The following B3GALT1 variants were observed in gnomAD, a reference collection of about 807,000 sequenced individuals.
The protein encoded by B3GALT1 is beta-1,3-galactosyltransferase 1, also known as UDP-Gal:betaGlcNAc beta 1,3-galactosyltransferase, polypeptide 1.
In B3GALT1, 10 loss-of-function variants were observed where a neutral mutation model predicts 23.2. The observed-to-expected ratio is 0.43, with a 90% CI of 0.27 to 0.73. The LOEUF is 0.73. Ranked by LOEUF, B3GALT1 falls within the 30% of genes least tolerant of loss-of-function variation. The probability of loss-of-function intolerance (pLI) is 0.21; values close to 1 mark genes in which losing one functional copy is unlikely to be tolerated. For missense variants in B3GALT1, 299 were observed against 405.4 expected, an observed-to-expected ratio of 0.74 and a Z score of 2.25; for synonymous variants, 156 against 141.5, an observed-to-expected ratio of 1.10 and a Z score of -0.73.
intron 2 of B3GALT1, among the ~76,000 whole-genome samples, chr2:167,620,120 G>C (rs1238689103): frequency 6.6e-6 from 1 of 152,028 alleles, no homozygotes; most frequent in Non-Finnish European, 1.5e-5. Context: ...AACGGTGTGA[G>C]GAGTGTGTGT....
chr2:167,507,886 A>G (rs1255978589), intron 2 of B3GALT1, among the ~76,000 whole-genome samples: 1 of 152,208 alleles, frequency 6.6e-6, no homozygotes, highest in African/African-American at 2.4e-5. Flanking sequence ...ATGAGGTGCT[A>G]TAGACTAGGT....
intron 1 of B3GALT1, among the ~76,000 whole-genome samples, chr2:167,475,090 T>G (rs1699470326): frequency 6.6e-6 from 1 of 152,222 alleles, no homozygotes; most frequent in Non-Finnish European, 1.5e-5. Flanking sequence ...TTCTGCAATT[T>G]CAATTACCTA....
At chr2:167,850,536 A>G (rs943583966) in intron 4 of B3GALT1, among the ~76,000 whole-genome samples, 1 of 152,250 alleles carries the variant, frequency 6.6e-6, no homozygotes, top group Non-Finnish European at 1.5e-5. Context: ...CAGCAATTCT[A>G]CTACTGGATA....
intron 3 of B3GALT1, among the ~76,000 whole-genome samples, chr2:167,647,442 A>T (rs2105460894): frequency 6.6e-6 from 1 of 152,290 alleles, no homozygotes; most frequent in East Asian, 1.9e-4. Flanking sequence ...ATCCTTCTGT[A>T]GAAATAGACA....
intron 1 of B3GALT1, among the ~76,000 whole-genome samples, chr2:167,455,598 A>G (rs184857870): frequency 2.0e-5 from 3 of 152,094 alleles, no homozygotes; most frequent in Non-Finnish European, 4.4e-5. Flanking sequence ...ACTGCAATCT[A>G]TGCCTCCAGG....
At chr2:167,658,961 C>T (rs1686008019) in intron 3 of B3GALT1, among the ~76,000 whole-genome samples, 1 of 152,040 alleles carries the variant, frequency 6.6e-6, no homozygotes, top group Non-Finnish European at 1.5e-5. Flanking sequence ...TGCTAAGAAA[C>T]AACAAATTCT....
At chr2:167,790,449 C>T (rs1161967682) in intron 3 of B3GALT1, among the ~76,000 whole-genome samples, 1 of 152,216 alleles carries the variant, frequency 6.6e-6, no homozygotes, top group Admixed American at 6.5e-5. Flanking sequence ...TCCTATTCTT[C>T]TGTGACTCTA....
At chr2:167,304,758 T>C (rs935206731) in intron 1 of B3GALT1, among the ~76,000 whole-genome samples, 4 of 152,048 alleles carry the variant, frequency 2.6e-5, no homozygotes, top group Non-Finnish European at 5.9e-5. Context: ...CTTATGTGGT[T>C]AGGGGACCAA....
chr2:167,744,542 T>C (rs1687623068), intron 3 of B3GALT1, among the ~76,000 whole-genome samples: 1 of 152,136 alleles, frequency 6.6e-6, no homozygotes, highest in African/African-American at 2.4e-5. Context: ...CTGTTAAACC[T>C]TGTCTATCCT....
intron 3 of B3GALT1, among the ~76,000 whole-genome samples, chr2:167,676,469 T>TTATA (rs201675808): frequency 6.8e-6 from 1 of 147,518 alleles, no homozygotes; most frequent in Non-Finnish European, 1.5e-5. Context: ...CCATCTAACC[T>TTATA]TATATATATA....
rs1296113429 is a variant in B3GALT1 at position 167,715,175 on chromosome 2, CTG to C, written c.-352+68211_-352+68212del. Reference sequence around the variant, plus strand: ...TAAGTAAGCACCATTTTCCGATTGACTGTTCACTTCTAATTCCAAGTTATCAT... The same window carrying C: ...TAAGTAAGCACCATTTTCCGATTGACTTCACTTCTAATTCCAAGTTATCAT... On this transcript the variant is annotated intron_variant, in intron 3 of 4. Transcript: ENST00000392690. 14 of 1,613,856 alleles carry C rather than the reference CTG, an allele frequency of 8.7e-6. No homozygotes were observed. In the African/African-American group the frequency reaches 1.9e-4, roughly 22 times the overall value.
At chr2:167,495,628 C>T (rs548812415) in intron 2 of B3GALT1, among the ~76,000 whole-genome samples, 15 of 152,222 alleles carry the variant, frequency 9.9e-5, no homozygotes, top group South Asian at 2.1e-4. Context: ...CCACCGTGCC[C>T]GGCTTTGCCA....
chr2:167,477,987 A>G (rs1464176278), intron 1 of B3GALT1, among the ~76,000 whole-genome samples: 1 of 152,232 alleles, frequency 6.6e-6, no homozygotes, highest in Non-Finnish European at 1.5e-5. Context: ...TATTTTGGGT[A>G]TTGTGCAAGT....
At chr2:167,609,873 A>C (rs1190618841) in intron 2 of B3GALT1, among the ~76,000 whole-genome samples, 2 of 152,102 alleles carry the variant, frequency 1.3e-5, no homozygotes, top group African/African-American at 2.4e-5. Flanking sequence ...GCAGGAAGAG[A>C]ATAAAGAAAT....
At chr2:167,842,543 CTG>C (rs1308768232) in intron 4 of B3GALT1, among the ~76,000 whole-genome samples, 5 of 152,134 alleles carry the variant, frequency 3.3e-5, no homozygotes, top group Non-Finnish European at 1.5e-5. Flanking sequence ...AAATATTTAA[CTG>C]TATGTATAAT....
At chr2:167,614,335 G>A (rs1024889879) in intron 2 of B3GALT1, among the ~76,000 whole-genome samples, 1 of 149,756 alleles carries the variant, frequency 6.7e-6, no homozygotes, top group African/African-American at 2.5e-5. Context: ...AACCTAGGAA[G>A]ATACTTAAAA....
chr2:167,493,108 G>A (rs933970229), intron 2 of B3GALT1, among the ~76,000 whole-genome samples: 2 of 152,100 alleles, frequency 1.3e-5, no homozygotes, highest in Non-Finnish European at 2.9e-5. Flanking sequence ...TACATATGAG[G>A]CACATCAAAT....
intron 3 of B3GALT1, among the ~76,000 whole-genome samples, chr2:167,756,369 G>A (rs113200660): frequency 6.6e-6 from 1 of 152,188 alleles, no homozygotes; most frequent in Non-Finnish European, 1.5e-5. Context: ...TCATTTGTAG[G>A]TGAGCTTCAC....
intron 2 of B3GALT1, among the ~76,000 whole-genome samples, chr2:167,566,963 A>C (rs1385343840): frequency 6.6e-6 from 1 of 152,246 alleles, no homozygotes; most frequent in Non-Finnish European, 1.5e-5. Flanking sequence ...TAGAGATTCC[A>C]ATACCTCTTG....
Sources: gnomAD v4.1 joint callset for allele counts (sites outside exome capture counted in the v4.1 genomes callset) on GRCh38, gnomAD v4.1.1 for gene constraint, MANE v1.5 for transcripts, NCBI Gene and HGNC (gene_info 2026-07-23, HGNC 2026-07-21) for gene names.